The following PLEKHA2 variants were observed in gnomAD, a reference collection of about 807,000 sequenced individuals.
PLEKHA2 encodes pleckstrin homology domain-containing family A member 2.
PLEKHA2 carries 28 observed loss-of-function variants against 53.2 expected under a neutral mutation model. The observed-to-expected ratio is 0.53, with a 90% CI of 0.39 to 0.72. The LOEUF (loss-of-function observed/expected upper bound fraction) is 0.72, where lower values mean the gene tolerates loss of function less well. Ranked by LOEUF, PLEKHA2 falls within the 30% of genes least tolerant of loss-of-function variation. The pLI is 0.00. For missense variants in PLEKHA2, 426 were observed against 537.9 expected (o/e 0.79, Z 2.06); for synonymous variants, 193 against 196.4 (o/e 0.98, Z 0.14).
rs1588267810 is a variant in PLEKHA2 at position 38,950,680 on chromosome 8, G to A, written c.346-170G>A. Reference sequence around the variant, plus strand: ...TCTGTGTAGGGGGAGGGCGTTGCTGGTTGAGATGCTCATATTCAGATTTGG... The same window carrying A: ...TCTGTGTAGGGGGAGGGCGTTGCTGATTGAGATGCTCATATTCAGATTTGG... On this transcript the variant is annotated intron_variant, in intron 5 of 11. Coordinates refer to ENST00000617275, the MANE Select transcript of PLEKHA2 (RefSeq NM_021623.2). 8.4e-6 allele frequency: 6 copies of A among 718,110 alleles called. No individual in the cohort carries two copies. The South Asian group carries it at 1.3e-4, about 16-fold the overall frequency. 44.5% of individuals were successfully genotyped at this position (718,110 alleles called of 1,614,324 possible). A position where few individuals can be genotyped will look rare whatever the true frequency, so the allele number is the denominator to read the frequency against.
intron 4 of PLEKHA2, among the ~76,000 whole-genome samples, chr8:38,945,383 A>G (rs1834695006): frequency 6.6e-6 from 1 of 152,040 alleles, no homozygotes; most frequent in African/African-American, 2.4e-5. Flanking sequence ...ACCCCATGAG[A>G]CTCACCTCCT....
At chr8:38,969,109 T>G (rs1289680015) in intron 11 of PLEKHA2, 1 of 367,560 alleles carries the variant, frequency 2.7e-6, no homozygotes. Context: ...CCATGTTGGC[T>G]AGGCTGATCT....
intron 5 of PLEKHA2, among the ~76,000 whole-genome samples, chr8:38,949,514 A>T (rs886872203): frequency 2.0e-5 from 3 of 152,260 alleles, no homozygotes; most frequent in Admixed American, 2.0e-4. Context: ...TGTGACTAAC[A>T]AAACATTGTT....
chr8:38,930,239 T>C (rs1834365739), intron 2 of PLEKHA2, among the ~76,000 whole-genome samples: 1 of 152,158 alleles, frequency 6.6e-6, no homozygotes, highest in Admixed American at 6.5e-5. Context: ...TCTGGCTCTG[T>C]CACCCGGGCT....
chr8:38,965,719 G>T (rs1395831875), intron 10 of PLEKHA2, among the ~76,000 whole-genome samples: 1 of 152,122 alleles, frequency 6.6e-6, no homozygotes, highest in African/African-American at 2.4e-5. Context: ...CTGAGAAAAG[G>T]TCTTCTTATG....
In PLEKHA2 at chr8:38,954,496, T is replaced by G. The variant is rs575984166; in HGVS notation, c.773+1129T>G. Among the ~76,000 whole-genome samples the G allele has an allele frequency of 2.6e-5, 4 of 152,250 alleles. No homozygotes were observed. The East Asian group carries it at 7.7e-4, about 29-fold the overall frequency. On this transcript the variant is annotated intron_variant, in intron 9 of 11. Transcript: ENST00000617275. ...TAGAGAACCATAAGGAACTTACGGT[T>G]AAATCCTAAGAATGCCTTGAACTTT...
intron 3 of PLEKHA2, among the ~76,000 whole-genome samples, chr8:38,936,825 CTT>C (rs1282331815): frequency 1.3e-5 from 2 of 152,246 alleles, no homozygotes; most frequent in African/African-American, 2.4e-5. Context: ...AAGAGGAACT[CTT>C]TGTACAGTGA....
At chr8:38,902,320 TCTC>T (rs1230947668) in intron 1 of PLEKHA2, among the ~76,000 whole-genome samples, 1 of 151,170 alleles carries the variant, frequency 6.6e-6, no homozygotes, top group Admixed American at 6.6e-5. Flanking sequence ...CACCCTCACA[TCTC>T]CTCCCCGGGG....
intron 9 of PLEKHA2, among the ~76,000 whole-genome samples, chr8:38,954,433 T>C (rs1396537648): frequency 6.6e-6 from 1 of 152,150 alleles, no homozygotes; most frequent in Non-Finnish European, 1.5e-5. Context: ...TGGAGGGCCC[T>C]TGCAGATGTG....
chr8:38,924,044 G>T (rs1467847619), intron 2 of PLEKHA2, among the ~76,000 whole-genome samples: 2 of 152,090 alleles, frequency 1.3e-5, no homozygotes, highest in Non-Finnish European at 2.9e-5. Context: ...AGAGATGGGG[G>T]TGTCACCACG....
At chr8:38,917,792 C>G (rs1405509607) in intron 1 of PLEKHA2, 115 bp from the exon 2 acceptor site, 37 of 1,209,690 alleles carry the variant, frequency 3.1e-5, no homozygotes, top group Non-Finnish European at 4.2e-5. Context: ...ATTTGGTGCC[C>G]CCACGGAAGG....
chr8:38,957,215 C>T, intron 9 of PLEKHA2, 108 bp from the exon 10 acceptor site: 6 of 792,440 alleles, frequency 7.6e-6, no homozygotes, highest in Non-Finnish European at 1.2e-5. Flanking sequence ...GAACCACCCC[C>T]CACCCATCTT....
At chr8:38,911,651 A>G (rs1322319381) in intron 1 of PLEKHA2, among the ~76,000 whole-genome samples, 1 of 152,146 alleles carries the variant, frequency 6.6e-6, no homozygotes, top group African/African-American at 2.4e-5. Context: ...CCCTCTACCC[A>G]ATATTTTCAC....
intron 1 of PLEKHA2, among the ~76,000 whole-genome samples, chr8:38,916,350 G>T (rs1483529832): frequency 1.3e-5 from 2 of 152,122 alleles, no homozygotes; most frequent in African/African-American, 4.8e-5. Context: ...TCAAATAGTA[G>T]GTCTTATTCA....
chr8:38,943,753 C>T (rs1834655754), intron 3 of PLEKHA2, 36 bp from the exon 4 acceptor site: 1 of 1,469,736 alleles, frequency 6.8e-7, no homozygotes, highest in South Asian at 1.3e-5. Context: ...TTGTAAGACA[C>T]ATATTCATGT....
intron 3 of PLEKHA2, among the ~76,000 whole-genome samples, chr8:38,940,789 G>A (rs1055836694): frequency 2.0e-5 from 3 of 151,898 alleles, no homozygotes; most frequent in African/African-American, 4.8e-5. Context: ...TGGGATAAGC[G>A]GGTTTACCTT....
chr8:38,940,218 C>G (rs1054983137), intron 3 of PLEKHA2, among the ~76,000 whole-genome samples: 3 of 151,666 alleles, frequency 2.0e-5, no homozygotes, highest in African/African-American at 7.3e-5. Flanking sequence ...GCCAACATGG[C>G]GAAACCCCAT....
At position 38,917,957 on chromosome 8, in the gene PLEKHA2, A is replaced by C; in HGVS notation, c.28A>C (p.Ile10Leu). MPYVDRQNR[I>L]CGFLDIEEHE... is the part of the protein sequence containing the mutation. Reference sequence around the variant, plus strand: ...GCCTTATGTGGATCGGCAGAACCGAATCTGTGGGTTTCTGGACATCGAGGA... The same window carrying C: ...GCCTTATGTGGATCGGCAGAACCGACTCTGTGGGTTTCTGGACATCGAGGA... The change falls in exon 2 of 12, where the codon ATC becomes CTC. Residue 10 changes from isoleucine to leucine, a missense_variant. Coordinates refer to ENST00000617275, the MANE Select transcript of PLEKHA2 (RefSeq NM_021623.2). 1.2e-6 allele frequency: 2 copies of C among 1,613,608 alleles called. No individual in the cohort carries two copies. Among genetic ancestry groups the C allele is most frequent in the East Asian group, 4.5e-5 (2 of 44,888 alleles).
intron 3 of PLEKHA2, among the ~76,000 whole-genome samples, chr8:38,940,123 C>T (rs1212643615): frequency 2.7e-5 from 4 of 146,162 alleles, no homozygotes; most frequent in African/African-American, 5.1e-5. Flanking sequence ...AAGGGCCAGG[C>T]GTGGTGGCTC....
Sources: allele counts gnomAD v4.1 joint callset (sites outside exome capture counted in the v4.1 genomes callset), GRCh38; gene constraint gnomAD v4.1.1; transcripts MANE v1.5; gene names NCBI Gene and HGNC (gene_info 2026-07-23, HGNC 2026-07-21).